Variants in HTR4 observed in about 807,000 individuals in gnomAD.
The protein encoded by HTR4 is 5-hydroxytryptamine (serotonin) receptor 4, G protein-coupled.
Under a neutral mutation model 36.8 loss-of-function variants are expected in HTR4, and 16 were observed. The ratio of observed to expected loss-of-function variants is 0.43; its 90% confidence interval spans 0.29 to 0.66. HTR4 has a LOEUF of 0.66. Among genes scored for constraint, HTR4 ranks in the 30% least tolerant of loss-of-function variants. The pLI, the probability that HTR4 is intolerant of heterozygous loss-of-function variation, is 0.13. For synonymous variants in HTR4, 189 were observed against 185.1 expected (o/e 1.02, Z -0.17); for missense variants, 438 against 490.9 (o/e 0.89, Z 1.02).
intron 2 of HTR4, among the ~76,000 whole-genome samples, chr5:148,556,063 C>T (rs1429123602): frequency 6.6e-6 from 1 of 151,982 alleles, no homozygotes; most frequent in African/African-American, 2.4e-5. Flanking sequence ...TTGCCCTGTC[C>T]CCCAAGCTGG....
At chr5:148,478,931 T>C (rs556223445), downstream of HTR4, among the ~76,000 whole-genome samples, 2 of 152,188 alleles carry the variant, frequency 1.3e-5, no homozygotes, top group African/African-American at 4.8e-5. Context: ...GGGACCTAGA[T>C]TTCATCACAC....
chr5:148,528,094 C>A (rs1758371064), intron 4 of HTR4, among the ~76,000 whole-genome samples: 1 of 151,934 alleles, frequency 6.6e-6, no homozygotes, highest in Admixed American at 6.6e-5. Context: ...TGGGAAGAAT[C>A]CTTTATCTCC....
chr5:148,531,698 C>T (rs1758573341), intron 4 of HTR4, among the ~76,000 whole-genome samples: 1 of 152,150 alleles, frequency 6.6e-6, no homozygotes, highest in Non-Finnish European at 1.5e-5. Flanking sequence ...AGAAAGTTTC[C>T]TCTAAAAATC....
At chr5:148,618,237 C>T (rs976916409) in intron 2 of HTR4, among the ~76,000 whole-genome samples, 4 of 152,118 alleles carry the variant, frequency 2.6e-5, no homozygotes, top group Admixed American at 6.5e-5. Context: ...TTCACCCCAC[C>T]CAAAACTCAA....
At chr5:148,576,120 A>C (rs796661798) in intron 2 of HTR4, among the ~76,000 whole-genome samples, 1 of 130,846 alleles carries the variant, frequency 7.6e-6, no homozygotes, top group African/African-American at 2.9e-5. Flanking sequence ...CAAAAAAAAA[A>C]AAAAAAAAAA....
intron 2 of HTR4, among the ~76,000 whole-genome samples, chr5:148,605,619 C>A (rs1237389563): frequency 6.6e-6 from 1 of 152,046 alleles, no homozygotes; most frequent in Non-Finnish European, 1.5e-5. Context: ...CAGTTACTAC[C>A]TATATTGAAG....
downstream of HTR4, among the ~76,000 whole-genome samples, chr5:148,478,974 C>A (rs973724606): frequency 2.0e-5 from 3 of 152,068 alleles, no homozygotes; most frequent in Admixed American, 1.3e-4. Context: ...GAACTCCAGG[C>A]TCTTGGATGG....
intron 2 of HTR4, among the ~76,000 whole-genome samples, chr5:148,559,475 G>A (rs1284876416): frequency 6.6e-6 from 1 of 152,104 alleles, no homozygotes; most frequent in Non-Finnish European, 1.5e-5. Flanking sequence ...GAATCCATGA[G>A]TATGTTGTTT....
chr5:148,479,390 G>C (rs2113713042), downstream of HTR4, among the ~76,000 whole-genome samples: 1 of 152,044 alleles, frequency 6.6e-6, no homozygotes, highest in Non-Finnish European at 1.5e-5. Context: ...CTGAGGCATG[G>C]GAGTTGACTT....
intron 4 of HTR4, among the ~76,000 whole-genome samples, chr5:148,531,834 G>T (rs1447468020): frequency 6.6e-6 from 1 of 152,110 alleles, no homozygotes; most frequent in African/African-American, 2.4e-5. Flanking sequence ...CTTATTTTCT[G>T]CAGGTAAAAA....
chr5:148,619,724 C>T (rs777806570), intron 2 of HTR4, among the ~76,000 whole-genome samples: 13 of 151,962 alleles, frequency 8.6e-5, no homozygotes, highest in Non-Finnish European at 1.8e-4. Flanking sequence ...TTGCCTGGTC[C>T]AGCCAAGATT....
At chr5:148,528,281 T>A (rs1758384730) in intron 4 of HTR4, among the ~76,000 whole-genome samples, 3 of 152,210 alleles carry the variant, frequency 2.0e-5, no homozygotes, top group African/African-American at 7.2e-5. Flanking sequence ...AATGTGGTCC[T>A]CTGTCTTACA....
chr5:148,475,065 T>C (rs2113708137), downstream of HTR4, among the ~76,000 whole-genome samples: 1 of 151,948 alleles, frequency 6.6e-6, no homozygotes, highest in African/African-American at 2.4e-5. Context: ...AGTAGTCTCC[T>C]TAGGCCTCAT....
chr5:148,555,833 A>C (rs1236456414), intron 2 of HTR4, among the ~76,000 whole-genome samples: 3 of 152,142 alleles, frequency 2.0e-5, no homozygotes, highest in Non-Finnish European at 4.4e-5. Flanking sequence ...AAATTTCCAC[A>C]TAGGTTAGTA....
chr5:148,647,368 T>C (rs903944136), intron 1 of HTR4, among the ~76,000 whole-genome samples: 1 of 152,242 alleles, frequency 6.6e-6, no homozygotes, highest in Admixed American at 6.5e-5. Context: ...AAACTGCCGA[T>C]CTTTGGGGGA....
chr5:148,653,024 C>T (rs564011747), intron 1 of HTR4, among the ~76,000 whole-genome samples: 43 of 152,248 alleles, frequency 2.8e-4, no homozygotes, highest in African/African-American at 1.0e-3. Flanking sequence ...AAAACCTGTG[C>T]TCACCAGGAG....
At chr5:148,619,452 TAAGTTA>T (rs141769367) in intron 2 of HTR4, among the ~76,000 whole-genome samples, 7,912 of 152,294 alleles carry the variant, frequency 0.052, 437 homozygotes, top group African/African-American at 0.14. Context: ...GGCAATCATT[TAAGTTA>T]ATTATGGAAT....
At position 148,635,553 on chromosome 5, in the gene HTR4, C is replaced by T. The variant is rs13355985; in HGVS notation, c.26+1436G>A. The stretch of plus-strand genomic sequence containing the variant: ...TGTATTCTGCTGTTAGAATCTAATG[C>T]TGCTATAAATAAATGTTTAAAAGCT... On this transcript the variant is annotated intron_variant, in intron 2 of 6. Transcript: ENST00000377888. Among the ~76,000 whole-genome samples, 147 of 152,262 alleles carry T rather than the reference C, an allele frequency of 9.7e-4. 1 individual carries two copies. The highest frequency in any genetic ancestry group is 3.4e-3 in the African/African-American group (141 of 41,554).
chr5:148,548,375 T>G (rs1369773158), intron 4 of HTR4, among the ~76,000 whole-genome samples: 1 of 152,144 alleles, frequency 6.6e-6, no homozygotes, highest in Non-Finnish European at 1.5e-5. Flanking sequence ...CAGTATAAAA[T>G]TTACAGCTCT....
Sources: gnomAD v4.1 joint callset for allele counts (sites outside exome capture counted in the v4.1 genomes callset) on GRCh38, gnomAD v4.1.1 for gene constraint, MANE v1.5 for transcripts, NCBI Gene and HGNC (gene_info 2026-07-23, HGNC 2026-07-21) for gene names.